The following TBRG1 variants were observed in gnomAD, a reference collection of about 807,000 sequenced individuals.
TBRG1 encodes the protein transforming growth factor beta regulator 1, also known as nuclear interactor of ARF and MDM2.
Under a neutral mutation model 44.0 loss-of-function variants are expected in TBRG1, and 31 were observed. The observed-to-expected ratio is 0.70, with a 90% CI of 0.53 to 0.95. The LOEUF (loss-of-function observed/expected upper bound fraction) is 0.95, where lower values mean the gene tolerates loss of function less well. TBRG1 is among the 40% of genes least tolerant of loss of function. The pLI is 0.00. For synonymous variants in TBRG1, 171 were observed against 188.1 expected, an observed-to-expected ratio of 0.91 and a Z score of 0.74; for missense variants, 487 against 496.1, an observed-to-expected ratio of 0.98 and a Z score of 0.18.
chr11:124,624,808 C>T (rs1332045344), intron 1 of TBRG1, 123 bp from the exon 2 acceptor site: 8 of 683,594 alleles, frequency 1.2e-5, no homozygotes, highest in African/African-American at 5.5e-5. Context: ...GTCACACGGT[C>T]GAATAGCTCC....
At position 124,632,222 on chromosome 11, in the gene TBRG1, T is replaced by C; in HGVS notation, c.1220T>C (p.Ile407Thr). 1.9e-6 allele frequency: 3 copies of C among 1,613,780 alleles called. No individual in the cohort carries two copies. Among genetic ancestry groups the C allele is most frequent in the Non-Finnish European group, 1.7e-6 (2 of 1,179,796 alleles). Residue 407 changes from isoleucine (I) to threonine (T), a missense_variant, in exon 9 of 9, where the codon ATT (isoleucine) becomes ACT (threonine). Physicochemically the swap from Ile to Thr is moderately conservative, Grantham distance 89. Coordinates refer to ENST00000441174, the MANE Select transcript of TBRG1 (RefSeq NM_032811.3). ...HLKSPSQGSP[I>T]QSSD ...AAGTCTCCATCACAGGGTAGCCCAA[T>C]TCAGTCTTCAGATTGAACAAGAAGG...
At chr11:124,626,279 C>G (rs1241563405) in intron 3 of TBRG1, among the ~76,000 whole-genome samples, 194 bp from the exon 4 acceptor site, 1 of 152,202 alleles carries the variant, frequency 6.6e-6, no homozygotes, top group Non-Finnish European at 1.5e-5. Context: ...AAGTATAAGG[C>G]CTTTGGCTCC....
chr11:124,631,993 G>T (rs887390915), intron 8 of TBRG1, 100 bp from the exon 9 acceptor site: 22 of 980,996 alleles, frequency 2.2e-5, no homozygotes, highest in Non-Finnish European at 3.1e-5. Flanking sequence ...CAAATGCAAG[G>T]GTGTTAAGGA....
Position 124,635,386 on chromosome 11 carries a change from A to G in TBRG1, c.*3148A>G, listed in dbSNP as rs2134345039. 1 of 152,298 alleles carries G rather than the reference A, an allele frequency of 6.6e-6. No individual in the cohort carries two copies. The highest frequency in any genetic ancestry group is 2.1e-4 in the South Asian group (1 of 4,824). 9.4% of individuals were successfully genotyped at this position (152,298 alleles called of 1,614,324 possible). A position where few individuals can be genotyped will look rare whatever the true frequency, so the allele number is the denominator to read the frequency against. ...TTTTTTAACTAAATAAAATCTTGGC[A>G]CTGACAAAGTTATTCCTGCTGTTTG... On this transcript the variant is annotated 3_prime_UTR_variant, in exon 9 of 9. Coordinates refer to ENST00000441174, the MANE Select transcript of TBRG1 (RefSeq NM_032811.3).
At position 124,624,073 on chromosome 11, in the gene TBRG1, G is replaced by C. The variant is rs558352975; in HGVS notation, c.150+840G>C. Among the ~76,000 whole-genome samples the C allele has an allele frequency of 4.1e-4, 63 of 152,312 alleles. 1 individual carries two copies. Among genetic ancestry groups the C allele is most frequent in the African/African-American group, 1.4e-3 (60 of 41,556 alleles). On this transcript the variant is annotated intron_variant, in intron 1 of 8. Transcript: ENST00000441174. ...AGCACTTATTCAGCACTTGCTATGT[G>C]TATTGCTTGCTATTTGCACTGGAGA...
At chr11:124,628,424 A>G (rs12790305) in intron 5 of TBRG1, among the ~76,000 whole-genome samples, 3 of 151,478 alleles carry the variant, frequency 2.0e-5, no homozygotes, top group Admixed American at 2.0e-4. Context: ...AAAAGACACC[A>G]TGATCAGAGT....
chr11:124,625,789 A>G lies in TBRG1; in HGVS notation c.340A>G (p.Thr114Ala). Residue 114 changes from threonine (T) to alanine (A), a missense_variant, in exon 3 of 9, where the codon ACT (threonine) becomes GCT (alanine). Physicochemically the swap from Thr to Ala is moderately conservative, Grantham distance 58. Transcript: ENST00000441174. ...LTYGVASSVG[T>A]IQGAGPISGP... The stretch of plus-strand genomic sequence containing the variant: ...TTATGGTGTGGCCAGCTCTGTGGGA[A>G]CTATACAGGGAGCTGGGCCTATTTC... 1.9e-6 allele frequency: 3 copies of G among 1,580,092 alleles called. No individual in the cohort carries two copies. The highest frequency in any genetic ancestry group is 2.6e-6 in the Non-Finnish European group (3 of 1,161,870).
chr11:124,627,697 G>A (rs1282509500), intron 5 of TBRG1, among the ~76,000 whole-genome samples: 2 of 152,140 alleles, frequency 1.3e-5, no homozygotes, highest in African/African-American at 2.4e-5. Flanking sequence ...AGAACCCTGA[G>A]ACAGCTTGAC....
At chr11:124,625,576 G>T in intron 2 of TBRG1, 95 bp from the exon 3 acceptor site, 2 of 1,078,696 alleles carry the variant, frequency 1.9e-6, no homozygotes, top group Non-Finnish European at 2.6e-6. Context: ...AGTAATCTTT[G>T]TATATAATTC....
chr11:124,634,551 C>T lies in TBRG1; in HGVS notation c.*2313C>T, dbSNP rs1239809758. ...TCTAAATTTTAAATATATATTTATC[C>T]TCTTCCATGTTAAGAACCCTAAGAA... is the stretch of plus-strand genomic sequence containing the variant. On this transcript the variant is annotated 3_prime_UTR_variant, in exon 9 of 9. Transcript: ENST00000441174. 1 of 151,990 alleles carries T rather than the reference C, an allele frequency of 6.6e-6. No individual in the cohort carries two copies. Among genetic ancestry groups the T allele is most frequent in the Admixed American group, 6.6e-5 (1 of 15,248 alleles). The allele number at this position is 151,990 out of a possible 1,614,324, so 9.4% of individuals were successfully genotyped here. A position where few individuals can be genotyped will look rare whatever the true frequency, so the allele number is the denominator to read the frequency against.
chr11:124,625,539 T>C (rs2134325094), intron 2 of TBRG1, 132 bp from the exon 3 acceptor site: 1 of 781,608 alleles, frequency 1.3e-6, no homozygotes, highest in Non-Finnish European at 2.0e-6. Context: ...TCATAGGGCC[T>C]AATAAGAACC....
intron 1 of TBRG1, 53 bp downstream of exon 1, chr11:124,623,286 T>G (rs1942382341): frequency 6.5e-7 from 1 of 1,545,426 alleles, no homozygotes; most frequent in Admixed American, 2.0e-5. Context: ...CCTCACAAAA[T>G]CTTTCCCCAA....
chr11:124,626,790 G>A (rs1372277698), intron 4 of TBRG1, 114 bp from the exon 5 acceptor site: 1 of 1,503,452 alleles, frequency 6.7e-7, no homozygotes, highest in East Asian at 2.5e-5. Context: ...CTCTGTCTTT[G>A]TGTGATTTGT....
In TBRG1 at chr11:124,623,069, T is replaced by C; in HGVS notation, c.-15T>C. ...TGCCGGCAGCGTCCTGGGGCCCCCG[T>C]AGCGGGGCTGGACCATGAGCCTGCT... On this transcript the variant is annotated 5_prime_UTR_variant, in exon 1 of 9. Coordinates refer to ENST00000441174, the MANE Select transcript of TBRG1 (RefSeq NM_032811.3). 1.3e-6 allele frequency: 2 copies of C among 1,532,210 alleles called. No homozygotes were observed. Among genetic ancestry groups the C allele is most frequent in the South Asian group, 2.4e-5 (2 of 81,672 alleles). The allele number at this position is 1,532,210 out of a possible 1,614,324, so 94.9% of individuals were successfully genotyped here. A position where few individuals can be genotyped will look rare whatever the true frequency, so the allele number is the denominator to read the frequency against.
rs890751223 is a variant in TBRG1, at chr11:124,624,937, G to T, written c.157G>T (p.Ala53Ser). The change falls in exon 2 of 9, where the codon GCT becomes TCT. Residue 53 changes from alanine (A) to serine (S), a missense_variant. Physicochemically the swap from Ala to Ser is moderately conservative, Grantham distance 99. Transcript: ENST00000441174. ...TTCACATTTTTACTTAAAGGAAAAT[G>T]CTGCTATTTGTGATGAAATTGCTCG... ...KAAKATVFENAAICDEIARLE... is the reference protein window; with the variant it reads ...KAAKATVFENSAICDEIARLE... 2.0e-6 allele frequency: 3 copies of T among 1,537,926 alleles called. No homozygotes were observed. The highest frequency in any genetic ancestry group is 4.0e-5 in the Admixed American group (2 of 50,548).
chr11:124,632,309 T>C lies in TBRG1; in HGVS notation c.*71T>C. ...AACTTAAACTAAAATTTTGGGTATATGAAAGAAGGCAGCAATTCAGAAGTA... is the reference window on the plus strand; with the variant it reads ...AACTTAAACTAAAATTTTGGGTATACGAAAGAAGGCAGCAATTCAGAAGTA... On this transcript the variant is annotated 3_prime_UTR_variant, in exon 9 of 9. Transcript: ENST00000441174. 5.7e-6 allele frequency: 8 copies of C among 1,410,562 alleles called. No individual in the cohort carries two copies. The highest frequency in any genetic ancestry group is 7.9e-6 in the Non-Finnish European group (8 of 1,011,186). 87.4% of individuals were successfully genotyped at this position (1,410,562 alleles called of 1,614,324 possible). A position where few individuals can be genotyped will look rare whatever the true frequency, so the allele number is the denominator to read the frequency against.
chr11:124,628,112 TATATACAC>T (rs1191465710), intron 5 of TBRG1, among the ~76,000 whole-genome samples: 15 of 51,316 alleles, frequency 2.9e-4, no homozygotes, highest in South Asian at 1.6e-3. Flanking sequence ...TATATATATA[TATATACAC>T]ACACACACAC....
chr11:124,631,020 G>A (rs1392818711), intron 7 of TBRG1, 165 bp downstream of exon 7: 2 of 643,994 alleles, frequency 3.1e-6, no homozygotes, highest in Non-Finnish European at 5.3e-6. Flanking sequence ...AGGTAAGCAA[G>A]AGCCAGGACT....
In TBRG1 at chr11:124,624,844, T is replaced by C. The variant is rs1005952271; in HGVS notation, c.151-87T>C. ...TTCTTCTCAGTAATACAAGCTTTTT[T>C]GGTTTGAAATATGGATCCTCTTCCC... On this transcript the variant is annotated intron_variant, in intron 1 of 8. Transcript: ENST00000441174. 13 of 891,636 alleles carry C rather than the reference T, an allele frequency of 1.5e-5. 1 individual carries two copies. The highest frequency in any genetic ancestry group is 5.3e-5 in the East Asian group (2 of 37,422). 55.2% of individuals were successfully genotyped at this position (891,636 alleles called of 1,614,324 possible).
Sources: allele counts gnomAD v4.1 joint callset (sites outside exome capture counted in the v4.1 genomes callset), GRCh38; gene constraint gnomAD v4.1.1; transcripts MANE v1.5; gene names NCBI Gene and HGNC (gene_info 2026-07-23, HGNC 2026-07-21).